ZC3H7B: variants seen among roughly 807,000 people sequenced by gnomAD.
ZC3H7B encodes the protein zinc finger CCCH-type containing 7B, also known as zinc finger CCCH domain-containing protein 7B.
ZC3H7B carries 35 observed loss-of-function variants against 116.0 expected under a neutral mutation model. The observed-to-expected ratio is 0.30, with a 90% CI of 0.23 to 0.40. ZC3H7B has a LOEUF of 0.40. ZC3H7B is among the 10% of genes least tolerant of loss of function. ZC3H7B has a pLI of 1.00. For missense variants in ZC3H7B, 1,011 were observed against 1,321.5 expected, an observed-to-expected ratio of 0.77 and a Z score of 3.64; for synonymous variants, 502 against 545.6, an observed-to-expected ratio of 0.92 and a Z score of 1.11.
chr22:41,337,765 A>G (rs1471261698), intron 7 of ZC3H7B, among the ~76,000 whole-genome samples: 1 of 152,038 alleles, frequency 6.6e-6, no homozygotes, highest in South Asian at 2.1e-4. Context: ...ACCCCTCCCT[A>G]GAGGGACAGC....
intron 1 of ZC3H7B, among the ~76,000 whole-genome samples, chr22:41,314,179 T>C (rs1234190362): frequency 6.6e-6 from 1 of 151,434 alleles, no homozygotes; most frequent in African/African-American, 2.4e-5. Context: ...TTTTTTGAGA[T>C]GGAGTCTTGC....
rs572666912 is a variant in ZC3H7B, at chr22:41,348,721, G to A, written c.1767-399G>A. ...CTTACGTCCAAGCCTGGGTTTCCTC[G>A]TCTGTAAAGCTGATGATGCTCTAGG... On this transcript the variant is annotated intron_variant, in intron 15 of 22. Coordinates refer to ENST00000352645, the MANE Select transcript of ZC3H7B (RefSeq NM_017590.6). Among the ~76,000 whole-genome samples the A allele has an allele frequency of 2.0e-4, 31 of 152,306 alleles. No homozygotes were observed. In the South Asian group the frequency reaches 5.8e-3, roughly 29 times the overall value.
chr22:41,340,599 G>C (rs912349561), intron 10 of ZC3H7B, among the ~76,000 whole-genome samples: 4 of 152,160 alleles, frequency 2.6e-5, no homozygotes, highest in African/African-American at 9.7e-5. Context: ...CAGGGCACTC[G>C]ACTGAGAGGG....
chr22:41,348,367 G>A (rs1292818599), intron 15 of ZC3H7B, among the ~76,000 whole-genome samples, 200 bp downstream of exon 15: 4 of 152,218 alleles, frequency 2.6e-5, no homozygotes, highest in African/African-American at 4.8e-5. Context: ...TATTCCAAGC[G>A]TCATCTTGGG....
intron 7 of ZC3H7B, chr22:41,335,222 A>C (rs1426162975): frequency 6.6e-6 from 1 of 152,178 alleles, no homozygotes; most frequent in East Asian, 1.9e-4. Flanking sequence ...CACGCTCCTT[A>C]TCTACGCAGG....
intron 6 of ZC3H7B, among the ~76,000 whole-genome samples, chr22:41,331,510 G>A (rs946193281): frequency 4.1e-5 from 6 of 147,228 alleles, no homozygotes; most frequent in Non-Finnish European, 7.4e-5. Flanking sequence ...AGCAGAGATC[G>A]TGCCACTGCA....
At chr22:41,342,821 C>A (rs992309947) in intron 12 of ZC3H7B, among the ~76,000 whole-genome samples, 193 bp downstream of exon 12, 4 of 152,150 alleles carry the variant, frequency 2.6e-5, no homozygotes, top group African/African-American at 9.7e-5. Context: ...CTTCACAGTC[C>A]TTTCTAGAGA....
chr22:41,319,545 G>T (rs1471399903), intron 1 of ZC3H7B, among the ~76,000 whole-genome samples: 2 of 150,058 alleles, frequency 1.3e-5, no homozygotes, highest in Non-Finnish European at 3.0e-5. Context: ...ACTCCAGCCT[G>T]GGCAACAGAG....
At chr22:41,329,915 A>C in intron 5 of ZC3H7B, 108 bp from the exon 6 acceptor site, 1 of 1,129,920 alleles carries the variant, frequency 8.9e-7, no homozygotes, top group Non-Finnish European at 1.3e-6. Context: ...CTCATCTATA[A>C]CATGGGGTGA....
At chr22:41,329,031 CA>C (rs905189346) in intron 5 of ZC3H7B, among the ~76,000 whole-genome samples, 1,785 of 40,498 alleles carry the variant, frequency 0.044, 15 homozygotes, top group Middle Eastern at 0.11. Context: ...TACTAAAATA[CA>C]AAAAAAAAAA....
chr22:41,315,892 G>C (rs1470850956), intron 1 of ZC3H7B, among the ~76,000 whole-genome samples: 4 of 152,076 alleles, frequency 2.6e-5, no homozygotes, highest in Admixed American at 2.6e-4. Flanking sequence ...TATGAATTTG[G>C]GGAGGACACA....
intron 1 of ZC3H7B, among the ~76,000 whole-genome samples, chr22:41,312,156 C>CA (rs57597464): frequency 0.011 from 1,010 of 88,794 alleles, 11 homozygotes; most frequent in African/African-American, 0.032. Flanking sequence ...GACTCCGTCT[C>CA]AAAAAAAAAA....
chr22:41,321,005 G>A (rs1163363032), intron 2 of ZC3H7B, among the ~76,000 whole-genome samples: 2 of 152,096 alleles, frequency 1.3e-5, no homozygotes, highest in Admixed American at 6.6e-5. Flanking sequence ...TTGCATGACT[G>A]CACGAGTTTT....
intron 6 of ZC3H7B, among the ~76,000 whole-genome samples, chr22:41,330,602 A>G (rs2036369145): frequency 6.6e-6 from 1 of 152,086 alleles, no homozygotes; most frequent in South Asian, 2.1e-4. Context: ...TGGACGATGG[A>G]GATAATTTAT....
Position 41,332,419 on chromosome 22 carries a change from C to T in ZC3H7B, c.582+192C>T, listed in dbSNP as rs923100409. ...GCTGTTGGCAGGGAGTGGTCATTGCCGGGGAGCCGCCGGGGGCAGCCTCAC... is the reference window on the plus strand; with the variant it reads ...GCTGTTGGCAGGGAGTGGTCATTGCTGGGGAGCCGCCGGGGGCAGCCTCAC... On this transcript the variant is annotated intron_variant, in intron 7 of 22. Transcript: ENST00000352645. 28 of 660,394 alleles carry T rather than the reference C, an allele frequency of 4.2e-5. No homozygotes were observed. In the African/African-American group the frequency reaches 4.3e-4, roughly 10 times the overall value. 40.9% of individuals were successfully genotyped at this position (660,394 alleles called of 1,614,324 possible). A position where few individuals can be genotyped will look rare whatever the true frequency, so the allele number is the denominator to read the frequency against.
chr22:41,356,935 C>A, intron 22 of ZC3H7B, 127 bp downstream of exon 22: 4 of 1,433,130 alleles, frequency 2.8e-6, no homozygotes, highest in Non-Finnish European at 2.8e-6. Flanking sequence ...GCTGTGACTG[C>A]AGCCATGGGG....
chr22:41,334,010 T>G (rs1245755353), intron 7 of ZC3H7B: 2 of 152,124 alleles, frequency 1.3e-5, no homozygotes. Flanking sequence ...GTGGAAGGTA[T>G]GTGCAAAGGC....
In ZC3H7B at chr22:41,349,663, T is replaced by G. The variant is rs1318912077; in HGVS notation, c.1948+362T>G. On this transcript the variant is annotated intron_variant, in intron 16 of 22. Transcript: ENST00000352645. The surrounding 1 kb of genome is among the most constrained non-coding windows in gnomAD (Gnocchi z 4.9). ...TCCCCGCTCCTCACTGAGCCTCCAGTGCTCATCTGGGAAATGGGGAGCCCC... is the reference window on the plus strand; with the variant it reads ...TCCCCGCTCCTCACTGAGCCTCCAGGGCTCATCTGGGAAATGGGGAGCCCC... Among the ~76,000 whole-genome samples the G allele has an allele frequency of 1.3e-5, 2 of 152,128 alleles. No homozygotes were observed. The highest frequency in any genetic ancestry group is 4.8e-5 in the African/African-American group (2 of 41,418).
Position 41,356,257 on chromosome 22 carries a change from C to A in ZC3H7B, c.2384-86C>A, listed in dbSNP as rs1005682172. ...GCCTATCAGCAGGACTTGGGACGCC[C>A]ACGGCTCCCAAATCAAGTGGGGACC... On this transcript the variant is annotated intron_variant, in intron 20 of 22. Coordinates refer to ENST00000352645, the MANE Select transcript of ZC3H7B (RefSeq NM_017590.6). The A allele has an allele frequency of 7.6e-6, 12 of 1,582,814 alleles. No homozygotes were observed. The African/African-American group carries it at 1.5e-4, about 20-fold the overall frequency.
Sources: gnomAD v4.1 joint callset for allele counts (sites outside exome capture counted in the v4.1 genomes callset) on GRCh38, gnomAD v4.1.1 for gene constraint, Gnocchi (gnomAD v3.1) non-coding constraint, MANE v1.5 for transcripts, NCBI Gene and HGNC (gene_info 2026-07-23, HGNC 2026-07-21) for gene names.